The following SPPL2C variants were observed in gnomAD, a reference collection of about 807,000 sequenced individuals.
The protein encoded by SPPL2C is signal peptide peptidase-like 2C.
In SPPL2C, 33 loss-of-function variants were observed where a neutral mutation model predicts 38.8. That is an observed-to-expected ratio of 0.85 (90% CI 0.64 to 1.14). SPPL2C has a LOEUF of 1.14. Among genes scored for constraint, SPPL2C ranks in the 50% most tolerant of loss-of-function variants. The probability of loss-of-function intolerance (pLI) is 0.00; values close to 1 mark genes in which losing one functional copy is unlikely to be tolerated. For missense variants in SPPL2C, 899 were observed against 904.4 expected (o/e 0.99, Z 0.08); for synonymous variants, 384 against 390.7 (o/e 0.98, Z 0.20).
Position 45,845,245 on chromosome 17 carries a change from A to G in SPPL2C, c.339A>G (p.Gln113=), listed in dbSNP as rs757983225. Residue 113 remains glutamine, a synonymous_variant, in exon 1 of 1, where the codon CAA becomes CAG. Transcript: ENST00000329196. ...CGAAAGGCTGGCTGGCTCAGGGCCA[A>G]GGTGCCCACGGGCTGCTCATCGTGA... ...FHTKGWLAQG[Q]GAHGLLIVSR... The G allele has an allele frequency of 1.9e-6, 3 of 1,613,858 alleles. No individual in the cohort carries two copies. The highest frequency in any genetic ancestry group is 2.2e-5 in the East Asian group (1 of 44,846).
At position 45,845,719 on chromosome 17, in the gene SPPL2C, C is replaced by A; in HGVS notation, c.813C>A (p.Tyr271Ter). The A allele has an allele frequency of 6.2e-7, 1 of 1,613,702 alleles. No individual in the cohort carries two copies. Among genetic ancestry groups the A allele is most frequent in the Non-Finnish European group, 8.5e-7 (1 of 1,180,032 alleles). Residue 271 changes from tyrosine to a stop codon, truncating the protein, a stop_gained, in exon 1 of 1, where the codon TAC (tyrosine) becomes TAA (stop). Transcript: ENST00000329196. LOFTEE classifies it high-confidence loss of function. ...TLSCSLMLLL[Y>*]FFYDHFVYVT... ...CCTGCTCGCTCATGCTGCTGCTCTACTTCTTCTATGACCACTTTGTCTATG... is the reference window on the plus strand; with the variant it reads ...CCTGCTCGCTCATGCTGCTGCTCTAATTCTTCTATGACCACTTTGTCTATG...
Position 45,845,730 on chromosome 17 carries a change from A to T in SPPL2C, c.824A>T (p.Asp275Val), listed in dbSNP as rs1306073556. 1 of 1,613,438 alleles carries T rather than the reference A, an allele frequency of 6.2e-7. No homozygotes were observed. The highest frequency in any genetic ancestry group is 1.7e-5 in the Admixed American group (1 of 60,026). The change falls in exon 1 of 1, where the codon GAC becomes GTC. Residue 275 changes from aspartate to valine, a missense_variant. Coordinates refer to ENST00000329196, the MANE Select transcript of SPPL2C (RefSeq NM_175882.3). The part of the protein sequence containing the change: ...SLMLLLYFFY[D>V]HFVYVTIGIF... ...ATGCTGCTGCTCTACTTCTTCTATG[A>T]CCACTTTGTCTATGTCACCATTGGG...
rs202083612 is a variant in SPPL2C, at chr17:45,846,120, C to T, written c.1214C>T (p.Ala405Val). 6.2e-6 allele frequency: 10 copies of T among 1,614,192 alleles called. No individual in the cohort carries two copies. The highest frequency in any genetic ancestry group is 1.6e-4 in the Middle Eastern group (1 of 6,062). The change falls in exon 1 of 1, where the codon GCG becomes GTG. Residue 405 changes from alanine to valine, a missense_variant. By Grantham distance (64) the Ala-to-Val change is moderately conservative (BLOSUM62 0). Transcript: ENST00000329196. ...FFTKTGESIM[A>V]QVALGPAESS... is the part of the protein sequence containing the mutation. ...ACCAAAACCGGTGAGAGCATCATGG[C>T]GCAGGTTGCCTTGGGCCCTGCAGAG...
chr17:45,845,956 C>T lies in SPPL2C; in HGVS notation c.1050C>T (p.Leu350=). Residue 350 remains leucine (L), a synonymous_variant, in exon 1 of 1, where the codon CTC becomes CTT. Transcript: ENST00000329196. ...AYRNEDRWAW[L]LQDTLGISYC... is the part of the protein sequence containing the mutation. The stretch of plus-strand genomic sequence containing the variant: ...GCAATGAGGACCGCTGGGCGTGGCT[C>T]CTGCAGGACACACTGGGCATTTCCT... 6.2e-7 allele frequency: 1 copy of T among 1,611,136 alleles called. No individual in the cohort carries two copies. The highest frequency in any genetic ancestry group is 8.5e-7 in the Non-Finnish European group (1 of 1,180,022).
In SPPL2C at chr17:45,845,530, C is replaced by G; in HGVS notation, c.624C>G (p.Thr208=). ...VAAGGYWAGL[T]EANRLQRRRA... is the part of the protein sequence containing the mutation. The stretch of plus-strand genomic sequence containing the variant: ...CAGGCGGCTACTGGGCCGGCCTGAC[C>G]GAAGCCAACCGGCTACAGCGGCGCC... The change falls in exon 1 of 1, where the codon ACC becomes ACG. Residue 208 remains threonine (T), a synonymous_variant. Coordinates refer to ENST00000329196, the MANE Select transcript of SPPL2C (RefSeq NM_175882.3). 1.2e-6 allele frequency: 2 copies of G among 1,600,068 alleles called. No individual in the cohort carries two copies. Among genetic ancestry groups the G allele is most frequent in the Non-Finnish European group, 1.7e-6 (2 of 1,174,586 alleles).
chr17:45,845,149 C>T lies in SPPL2C; in HGVS notation c.243C>T (p.Leu81=), dbSNP rs761706604. 2.5e-6 allele frequency: 4 copies of T among 1,612,026 alleles called. No homozygotes were observed. Among genetic ancestry groups the T allele is most frequent in the Non-Finnish European group, 3.4e-6 (4 of 1,178,550 alleles). Residue 81 remains leucine, a synonymous_variant, in exon 1 of 1, where the codon CTC becomes CTT. Transcript: ENST00000329196. Reference sequence around the variant, plus strand: ...AGGATTCCCCCCACCAGGCCCAGCTCCGCTCCCCCAGCCAGCGGCCCCTCC... The same window carrying T: ...AGGATTCCCCCCACCAGGCCCAGCTTCGCTCCCCCAGCCAGCGGCCCCTCC... ...PGEDSPHQAQ[L]RSPSQRPLRQ...
Position 45,846,103 on chromosome 17 carries a change from C to T in SPPL2C, c.1197C>T (p.Thr399=), listed in dbSNP as rs111795063. 72 of 1,614,174 alleles carry T rather than the reference C, an allele frequency of 4.5e-5. No homozygotes were observed. The highest frequency in any genetic ancestry group is 3.3e-4 in the African/African-American group (25 of 75,050). Residue 399 remains threonine, a synonymous_variant, in exon 1 of 1, where the codon ACC becomes ACT. Transcript: ENST00000329196. ...FVFVTPFFTK[T]GESIMAQVAL... ...TCGTCACCCCCTTCTTCACCAAAAC[C>T]GGTGAGAGCATCATGGCGCAGGTTG...
rs1182629631 is a variant in SPPL2C, at chr17:45,846,356, CT to C, written c.1451del (p.Leu484ArgfsTer21). 2 of 1,614,012 alleles carry C rather than the reference CT, an allele frequency of 1.2e-6. No individual in the cohort carries two copies. Among genetic ancestry groups the C allele is most frequent in the East Asian group, 4.5e-5 (2 of 44,880 alleles). On this transcript the variant is annotated frameshift_variant, in exon 1 of 1. Coordinates refer to ENST00000329196, the MANE Select transcript of SPPL2C (RefSeq NM_175882.3). LOFTEE classifies it high-confidence loss of function. ...VACTVAYAVG[L>X]LVTFMAMVLM... ...CTGCACCGTGGCCTATGCTGTGGGC[CT>C]GCTGGTCACATTCATGGCCATGGTC...
In SPPL2C at chr17:45,846,857, C is replaced by T. The variant is rs370606755; in HGVS notation, c.1951C>T (p.His651Tyr). 6.2e-7 allele frequency: 1 copy of T among 1,613,442 alleles called. No homozygotes were observed. Among genetic ancestry groups the T allele is most frequent in the Non-Finnish European group, 8.5e-7 (1 of 1,179,796 alleles). The part of the protein sequence containing the change: ...MPPPSELGHV[H>Y]AQAQAHETGL... The stretch of plus-strand genomic sequence containing the variant: ...CCCGCCCTCAGAGCTGGGCCATGTC[C>T]ATGCCCAGGCCCAGGCCCACGAGAC... Residue 651 changes from histidine (H) to tyrosine (Y), a missense_variant, in exon 1 of 1, where the codon CAT (histidine) becomes TAT (tyrosine). His to Tyr is a moderately conservative substitution (Grantham distance 83, BLOSUM62 2). Coordinates refer to ENST00000329196, the MANE Select transcript of SPPL2C (RefSeq NM_175882.3).
At position 45,846,248 on chromosome 17, in the gene SPPL2C, G is replaced by A. The variant is rs1354721514; in HGVS notation, c.1342G>A (p.Asp448Asn). 6.2e-7 allele frequency: 1 copy of A among 1,614,066 alleles called. No homozygotes were observed. Among genetic ancestry groups the A allele is most frequent in the Admixed American group, 1.7e-5 (1 of 60,006 alleles). ...GCCCTTCTCCATCCTTGGCTTCGGT[G>A]ACATTGTGGTCCCCGGCTTCCTGGT... Reference protein sequence around the residue: ...SQPFSILGFGDIVVPGFLVAY... With the variant: ...SQPFSILGFGNIVVPGFLVAY... The change falls in exon 1 of 1, where the codon GAC becomes AAC. Residue 448 changes from aspartate (D) to asparagine (N), a missense_variant. Transcript: ENST00000329196.
chr17:45,844,898 C>T lies in SPPL2C; in HGVS notation c.-9C>T. ...CCGCCCGCAGATGTTGCAGTAGGAA[C>T]TGAAGAAGATGGCGTGCCTGGGCTT... On this transcript the variant is annotated 5_prime_UTR_variant, in exon 1 of 1. Transcript: ENST00000329196. 6.3e-7 allele frequency: 1 copy of T among 1,594,276 alleles called. No individual in the cohort carries two copies. Among genetic ancestry groups the T allele is most frequent in the Non-Finnish European group, 8.6e-7 (1 of 1,167,138 alleles).
In SPPL2C at chr17:45,845,665, G is replaced by A. The variant is rs774989388; in HGVS notation, c.759G>A (p.Pro253=). 61 of 1,613,564 alleles carry A rather than the reference G, an allele frequency of 3.8e-5. 1 individual carries two copies. In the Middle Eastern group the frequency reaches 4.9e-4, roughly 13 times the overall value. ...DNEDIPVDFT[P]AMTGVVVTLS... is the part of the protein sequence containing the mutation. The stretch of plus-strand genomic sequence containing the variant: ...AGGACATCCCAGTGGACTTCACGCC[G>A]GCCATGACAGGCGTGGTGGTCACCC... The change falls in exon 1 of 1, where the codon CCG becomes CCA. Residue 253 remains proline (P), a synonymous_variant. Coordinates refer to ENST00000329196, the MANE Select transcript of SPPL2C (RefSeq NM_175882.3).
chr17:45,846,750 C>A lies in SPPL2C; in HGVS notation c.1844C>A (p.Pro615His). The A allele has an allele frequency of 1.9e-6, 3 of 1,614,192 alleles. No individual in the cohort carries two copies. Among genetic ancestry groups the A allele is most frequent in the Non-Finnish European group, 2.5e-6 (3 of 1,180,046 alleles). The change falls in exon 1 of 1, where the codon CCC (proline) becomes CAC (histidine). Residue 615 changes from proline (P) to histidine (H), a missense_variant. By Grantham distance (77) the Pro-to-His change is moderately conservative (BLOSUM62 -2). Coordinates refer to ENST00000329196, the MANE Select transcript of SPPL2C (RefSeq NM_175882.3). ...GCCCACTTGGATCCTAATGAGCTGC[C>A]CTTCATCCCCCCTGGGGCCTCGGAG... ...SDAHLDPNEL[P>H]FIPPGASEEL...
rs242943 is a variant in SPPL2C at position 45,847,046 on chromosome 17, T to C, written c.*85T>C. 0.86 allele frequency: 1,162,643 copies of C among 1,347,148 alleles called. 503,312 individuals carry two copies. The highest frequency in any genetic ancestry group is 0.94 in the East Asian group (40,489 of 43,026). 83.4% of individuals were successfully genotyped at this position (1,347,148 alleles called of 1,614,324 possible). A position where few individuals can be genotyped will look rare whatever the true frequency, so the allele number is the denominator to read the frequency against. On this transcript the variant is annotated 3_prime_UTR_variant, in exon 1 of 1. Coordinates refer to ENST00000329196, the MANE Select transcript of SPPL2C (RefSeq NM_175882.3). ...CATGCATGGCAACAAGAAATCAGGG[T>C]ATCAAAGAGATTTCATATCTACCCA...
At position 45,845,887 on chromosome 17, in the gene SPPL2C, G is replaced by A; in HGVS notation, c.981G>A (p.Leu327=). 2 of 1,606,084 alleles carry A rather than the reference G, an allele frequency of 1.2e-6. No individual in the cohort carries two copies. The highest frequency in any genetic ancestry group is 1.7e-6 in the Non-Finnish European group (2 of 1,179,990). The change falls in exon 1 of 1, where the codon CTG becomes CTA. Residue 327 remains leucine (L), a synonymous_variant. Transcript: ENST00000329196. ...WASLPLPLLL[L]ASLCATVIIF... Reference sequence around the variant, plus strand: ...CTCTGCCGCTGCCTCTGCTGCTGCTGGCGAGCCTGTGCGCAACCGTGATCA... The same window carrying A: ...CTCTGCCGCTGCCTCTGCTGCTGCTAGCGAGCCTGTGCGCAACCGTGATCA...
At position 45,844,927 on chromosome 17, in the gene SPPL2C, C is replaced by T; in HGVS notation, c.21C>T (p.Leu7=). 3 of 1,607,630 alleles carry T rather than the reference C, an allele frequency of 1.9e-6. No homozygotes were observed. Among genetic ancestry groups the T allele is most frequent in the Admixed American group, 1.7e-5 (1 of 59,822 alleles). The change falls in exon 1 of 1, where the codon CTC becomes CTT. Residue 7 remains leucine (L), a synonymous_variant. Coordinates refer to ENST00000329196, the MANE Select transcript of SPPL2C (RefSeq NM_175882.3). The part of the protein sequence containing the change: MACLGF[L]LPVGFLLLIS... The stretch of plus-strand genomic sequence containing the variant: ...AGAAGATGGCGTGCCTGGGCTTCCT[C>T]CTCCCCGTGGGCTTCCTCCTCCTCA...
At position 45,846,426 on chromosome 17, in the gene SPPL2C, G is replaced by T. The variant is rs1597747371; in HGVS notation, c.1520G>T (p.Ser507Ile). The T allele has an allele frequency of 3.1e-6, 5 of 1,612,976 alleles. No homozygotes were observed. The African/African-American group carries it at 5.3e-5, about 17-fold the overall frequency. ...CCTGCCTTGCTCTACCTAGTGTCCA[G>T]CACCCTGCTCACCAGCCTGGCTGTG... ...GQPALLYLVS[S>I]TLLTSLAVAA... Residue 507 changes from serine to isoleucine, a missense_variant, in exon 1 of 1, where the codon AGC becomes ATC. By Grantham distance (142) the Ser-to-Ile change is moderately radical. Coordinates refer to ENST00000329196, the MANE Select transcript of SPPL2C (RefSeq NM_175882.3).
chr17:45,845,335 G>A lies in SPPL2C; in HGVS notation c.429G>A (p.Leu143=). Residue 143 remains leucine, a synonymous_variant, in exon 1 of 1, where the codon CTG becomes CTA. Transcript: ENST00000329196. ...TLAPQDPRQP[L]ADLTIPVAML... ...CACCCCAGGATCCCCGCCAGCCCCT[G>A]GCAGACCTCACCATCCCTGTGGCTA... 1.2e-6 allele frequency: 2 copies of A among 1,614,072 alleles called. No homozygotes were observed. The highest frequency in any genetic ancestry group is 2.2e-5 in the South Asian group (2 of 91,084).
Position 45,846,472 on chromosome 17 carries a change from C to A in SPPL2C, c.1566C>A (p.Leu522=). The change falls in exon 1 of 1, where the codon CTC becomes CTA. Residue 522 remains leucine, a synonymous_variant. Coordinates refer to ENST00000329196, the MANE Select transcript of SPPL2C (RefSeq NM_175882.3). The stretch of plus-strand genomic sequence containing the variant: ...CTGTGGCTGCCTGCCGCCAAGAGCT[C>A]AGCCTCTTCTGGACTGGCCAGGGCA... The part of the protein sequence containing the change: ...SLAVAACRQE[L]SLFWTGQGRA... 16 of 1,612,870 alleles carry A rather than the reference C, an allele frequency of 9.9e-6. No individual in the cohort carries two copies. The highest frequency in any genetic ancestry group is 1.4e-5 in the Non-Finnish European group (16 of 1,180,030).
Sources: allele counts gnomAD v4.1 joint callset, GRCh38; gene constraint gnomAD v4.1.1; transcripts MANE v1.5; gene names NCBI Gene and HGNC (gene_info 2026-07-23, HGNC 2026-07-21).